Variants in TSNARE1 observed in about 807,000 individuals in gnomAD.
The protein encoded by TSNARE1 is t-SNARE domain-containing protein 1.
In TSNARE1, 49 loss-of-function variants were observed where a neutral mutation model predicts 62.0. The ratio of observed to expected loss-of-function variants is 0.79; its 90% CI spans 0.63 to 1.00. TSNARE1 has a LOEUF of 1.00. Ranked by LOEUF, TSNARE1 falls within the 50% of genes least tolerant of loss-of-function variation. The probability of loss-of-function intolerance (pLI) is 0.00; values close to 1 mark genes in which losing one functional copy is unlikely to be tolerated. For synonymous variants in TSNARE1, 328 were observed against 294.4 expected (o/e 1.11, Z -1.17); for missense variants, 755 against 700.1 (o/e 1.08, Z -0.88).
At chr8:142,372,825 T>C (rs1198026970) in intron 1 of TSNARE1, among the ~76,000 whole-genome samples, 3 of 148,404 alleles carry the variant, frequency 2.0e-5, no homozygotes, top group African/African-American at 7.6e-5. Context: ...CCAGTGTTGT[T>C]TCCTTCCCTG....
chr8:142,253,666 A>C (rs1427045455), intron 12 of TSNARE1, among the ~76,000 whole-genome samples: 1 of 152,172 alleles, frequency 6.6e-6, no homozygotes, highest in Non-Finnish European at 1.5e-5. Flanking sequence ...TGACATCACC[A>C]ACTTCCTTGC....
At position 142,271,673 on chromosome 8, in the gene TSNARE1, G is replaced by A. The variant is rs1235626334; in HGVS notation, c.1446+3108C>T. ...CAGGGGCAGCCACAAGCAGCTGGGG[G>A]TCTCGTCCTCCTCATCAGCTAACAG... is the stretch of plus-strand genomic sequence containing the variant. On this transcript the variant is annotated intron_variant, in intron 12 of 13. Transcript: ENST00000524325. 3.6e-6 allele frequency: 5 copies of A among 1,389,586 alleles called. 1 individual carries two copies. In the South Asian group the frequency reaches 4.9e-5, roughly 14 times the overall value. The allele number at this position is 1,389,586 out of a possible 1,614,324, so 86.1% of individuals were successfully genotyped here. A position where few individuals can be genotyped will look rare whatever the true frequency, so the allele number is the denominator to read the frequency against.
At chr8:142,298,267 C>T (rs544407894) in intron 10 of TSNARE1, among the ~76,000 whole-genome samples, 9 of 152,360 alleles carry the variant, frequency 5.9e-5, no homozygotes, top group East Asian at 1.9e-4. Context: ...TGGGAAAGGC[C>T]GCTGCTCAGC....
Position 142,291,969 on chromosome 8 carries a change from C to T in TSNARE1, c.1291-7484G>A, listed in dbSNP as rs563686896. On this transcript the variant is annotated intron_variant, in intron 10 of 13. Transcript: ENST00000524325. The surrounding 1 kb of genome is among the most constrained non-coding windows in gnomAD (Gnocchi z 4.8). ...CGGTCACAGCAACGCACGCCCCCCC[C>T]GGCCCCCCACCTGTTTCAAGCAGAA... is the stretch of plus-strand genomic sequence containing the variant. Among the ~76,000 whole-genome samples the T allele has an allele frequency of 3.3e-5, 5 of 152,018 alleles. No homozygotes were observed. Among genetic ancestry groups the T allele is most frequent in the Admixed American group, 2.0e-4 (3 of 15,276 alleles).
At chr8:142,271,366 C>T (rs1819520029) in intron 12 of TSNARE1, 2 of 1,210,056 alleles carry the variant, frequency 1.7e-6, no homozygotes, top group African/African-American at 1.6e-5. Context: ...TGCTCTGCTG[C>T]TGGGCCCAGG....
At chr8:142,303,956 C>G (rs985131873) in intron 9 of TSNARE1, among the ~76,000 whole-genome samples, 1 of 152,218 alleles carries the variant, frequency 6.6e-6, no homozygotes, top group African/African-American at 2.4e-5. Context: ...GGCAGGGGCA[C>G]GGCCACCCTC....
chr8:142,243,139 C>A (rs6583609), intron 12 of TSNARE1, among the ~76,000 whole-genome samples: 80,317 of 151,768 alleles, frequency 0.53, 22,210 homozygotes, highest in African/African-American at 0.68. Context: ...GGAACCCTTG[C>A]GCACTGTTGG....
At chr8:142,404,886 G>C (rs1838550852), upstream of TSNARE1, 2 of 152,306 alleles carry the variant, frequency 1.3e-5, no homozygotes, top group African/African-American at 4.8e-5. Flanking sequence ...CCGTGTTCAG[G>C]TGTGCAAAGG....
At chr8:142,313,625 ATCTGTGTG>A (rs2131595763) in intron 9 of TSNARE1, among the ~76,000 whole-genome samples, 1 of 149,726 alleles carries the variant, frequency 6.7e-6, no homozygotes, top group Non-Finnish European at 1.5e-5. Context: ...GTCTCTGTGT[ATCTGTGTG>A]TCTCTAGCTC....
chr8:142,273,785 C>T (rs151074570), intron 12 of TSNARE1: 38 of 985,424 alleles, frequency 3.9e-5, no homozygotes, highest in Admixed American at 6.1e-5. Context: ...CAGGCCCCTG[C>T]GTGGTTCCAG....
At chr8:142,278,734 G>A (rs1304005147) in intron 11 of TSNARE1, 29 of 985,324 alleles carry the variant, frequency 2.9e-5, no homozygotes, top group Non-Finnish European at 3.3e-5. Flanking sequence ...CCGTGGGCTC[G>A]GAAGGGGGCA....
intron 2 of TSNARE1, among the ~76,000 whole-genome samples, chr8:142,353,273 C>G (rs1451612047): frequency 6.6e-6 from 1 of 152,152 alleles, no homozygotes; most frequent in African/African-American, 2.4e-5. Flanking sequence ...CCATCCCAGT[C>G]AGAACACAGG....
At chr8:142,233,594 C>T (rs1817232713) in intron 12 of TSNARE1, among the ~76,000 whole-genome samples, 1 of 152,310 alleles carries the variant, frequency 6.6e-6, no homozygotes, top group South Asian at 2.1e-4. Context: ...ATTGTGTGGG[C>T]AGGGCTGGTG....
intron 10 of TSNARE1, among the ~76,000 whole-genome samples, chr8:142,299,748 A>C (rs1225793571): frequency 6.6e-6 from 1 of 152,166 alleles, no homozygotes; most frequent in Admixed American, 6.5e-5. Context: ...GTGCACACAC[A>C]CATGCATACG....
In TSNARE1 at chr8:142,227,375, C is replaced by T. The variant is rs115676551; in HGVS notation, c.*11+2098G>A. On this transcript the variant is annotated intron_variant, in intron 13 of 13. Coordinates refer to ENST00000524325, the MANE Select transcript of TSNARE1 (RefSeq NM_145003.5). Reference sequence around the variant, plus strand: ...CCCATAGCCCCAGTGACAGCCAGGACCCCCATCCTGCCAATAGCCCCAGTG... The same window carrying T: ...CCCATAGCCCCAGTGACAGCCAGGATCCCCATCCTGCCAATAGCCCCAGTG... Among the ~76,000 whole-genome samples the T allele has an allele frequency of 4.5e-3, 419 of 93,058 alleles. 7 individuals are homozygous for T. Among genetic ancestry groups the T allele is most frequent in the East Asian group, 5.2e-3 (22 of 4,208 alleles). 61.0% of individuals were successfully genotyped at this position (93,058 alleles called of 152,430 possible).
chr8:142,289,381 C>CA (rs1823363343), intron 10 of TSNARE1, among the ~76,000 whole-genome samples: 1 of 152,198 alleles, frequency 6.6e-6, no homozygotes, highest in Admixed American at 6.5e-5. Context: ...ACGCTGAACT[C>CA]AGATAGCAAG....
At chr8:142,306,522 G>T (rs564349367) in intron 9 of TSNARE1, among the ~76,000 whole-genome samples, 245 of 152,266 alleles carry the variant, frequency 1.6e-3, no homozygotes, top group African/African-American at 5.7e-3. Flanking sequence ...GAAAACTACG[G>T]ACCACAGCCA....
intron 1 of TSNARE1, among the ~76,000 whole-genome samples, chr8:142,372,161 G>A (rs1451257951): frequency 6.6e-6 from 1 of 152,166 alleles, no homozygotes; most frequent in African/African-American, 2.4e-5. Flanking sequence ...CTGAACACAG[G>A]ATCTGATCTC....
chr8:142,286,169 G>A lies in TSNARE1; in HGVS notation c.1291-1684C>T, dbSNP rs372684414. Among the ~76,000 whole-genome samples the A allele has an allele frequency of 1.4e-3, 216 of 152,218 alleles. 1 individual carries two copies. Among genetic ancestry groups the A allele is most frequent in the South Asian group, 9.6e-3 (46 of 4,812 alleles). ...AGCCAGGTTTGCTCACTTATCACCC[G>A]AACAAAAGCAACCCTCCTCACATAG... On this transcript the variant is annotated intron_variant, in intron 10 of 13. Coordinates refer to ENST00000524325, the MANE Select transcript of TSNARE1 (RefSeq NM_145003.5).
Sources: gnomAD v4.1 joint callset for allele counts (sites outside exome capture counted in the v4.1 genomes callset) on GRCh38, gnomAD v4.1.1 for gene constraint, Gnocchi (gnomAD v3.1) non-coding constraint, MANE v1.5 for transcripts, NCBI Gene and HGNC (gene_info 2026-07-23, HGNC 2026-07-21) for gene names.